HSD17B12: variants seen among roughly 807,000 people sequenced by gnomAD.
HSD17B12 encodes the protein very-long-chain 3-oxoacyl-CoA reductase.
HSD17B12 carries 32 observed loss-of-function variants against 39.3 expected under a neutral mutation model. The observed-to-expected ratio is 0.81, with a 90% confidence interval of 0.61 to 1.09. HSD17B12 has a LOEUF of 1.09. Among genes scored for constraint, HSD17B12 ranks in the 50% least tolerant of loss-of-function variants. The pLI, the probability that HSD17B12 is intolerant of heterozygous loss-of-function variation, is 0.00. For synonymous variants in HSD17B12, 150 were observed against 146.7 expected, an observed-to-expected ratio of 1.02 and a Z score of -0.16; for missense variants, 342 against 382.9, an observed-to-expected ratio of 0.89 and a Z score of 0.89.
At chr11:43,834,805 G>T (rs6485473) in intron 7 of HSD17B12, among the ~76,000 whole-genome samples, 96,620 of 151,822 alleles carry the variant, frequency 0.64, 31,195 homozygotes, top group East Asian at 0.71. Flanking sequence ...TGTCTGGCTT[G>T]TGGGAGGACT....
At chr11:43,617,985 A>C in the HSD17B12 span, among the ~76,000 whole-genome samples, 6 of 152,346 alleles carry the variant, frequency 3.9e-5, no homozygotes, top group South Asian at 1.2e-3. Flanking sequence ...TTTATGAACA[A>C]AATAGGTGGT....
intron 1 of HSD17B12, among the ~76,000 whole-genome samples, chr11:43,686,746 ACTT>A (rs1949804011): frequency 6.6e-6 from 1 of 152,146 alleles, no homozygotes; most frequent in African/African-American, 2.4e-5. Context: ...AAATGAGAAT[ACTT>A]ATTCTCTGTA....
the HSD17B12 span, among the ~76,000 whole-genome samples, chr11:43,629,452 T>A: frequency 6.6e-6 from 1 of 152,230 alleles, no homozygotes; most frequent in Non-Finnish European, 1.5e-5. Flanking sequence ...ATTTGTTGAT[T>A]TTTCCCTGCT....
chr11:43,825,091 A>G (rs987833669), intron 6 of HSD17B12, among the ~76,000 whole-genome samples: 1 of 151,838 alleles, frequency 6.6e-6, no homozygotes, highest in Non-Finnish European at 1.5e-5. Context: ...AGATCGTGCC[A>G]CTGGACTCCA....
chr11:43,651,178 GC>G, the HSD17B12 span, among the ~76,000 whole-genome samples: 2 of 152,334 alleles, frequency 1.3e-5, no homozygotes, highest in Admixed American at 6.5e-5. Context: ...TACCTAAAGG[GC>G]AAGGTAAATG....
intron 1 of HSD17B12, among the ~76,000 whole-genome samples, chr11:43,750,289 G>C (rs555573028): frequency 1.3e-5 from 2 of 152,110 alleles, no homozygotes; most frequent in East Asian, 1.9e-4. Context: ...CCATAGATTA[G>C]TTTTACCTTT....
At chr11:43,765,375 TAAG>T (rs1236461797) in intron 3 of HSD17B12, among the ~76,000 whole-genome samples, 1 of 152,166 alleles carries the variant, frequency 6.6e-6, no homozygotes, top group Non-Finnish European at 1.5e-5. Context: ...TTGTTTCTGA[TAAG>T]AAGTCAGCTG....
chr11:43,714,516 G>T (rs1453559335), intron 1 of HSD17B12, among the ~76,000 whole-genome samples: 1 of 152,098 alleles, frequency 6.6e-6, no homozygotes, highest in Non-Finnish European at 1.5e-5. Context: ...ATGCTGTTTT[G>T]GTTACTGTAG....
At chr11:43,849,216 G>C (rs1384378408) in intron 9 of HSD17B12, among the ~76,000 whole-genome samples, 2 of 152,120 alleles carry the variant, frequency 1.3e-5, no homozygotes, top group Non-Finnish European at 2.9e-5. Flanking sequence ...GAGGTGGGAG[G>C]ATGGCTTGAG....
intron 3 of HSD17B12, among the ~76,000 whole-genome samples, chr11:43,774,633 A>T (rs17513661): frequency 0.017 from 2,607 of 152,312 alleles, 32 homozygotes; most frequent in Admixed American, 0.024. Context: ...ATAACAATTA[A>T]ATGTGCTAGA....
At chr11:43,779,431 T>A (rs948454818) in intron 3 of HSD17B12, among the ~76,000 whole-genome samples, 1 of 152,244 alleles carries the variant, frequency 6.6e-6, no homozygotes, top group Non-Finnish European at 1.5e-5. Flanking sequence ...ATTGGTTTTA[T>A]GCAACATGCT....
the HSD17B12 span, among the ~76,000 whole-genome samples, chr11:43,619,217 T>TAC: frequency 2.1e-5 from 1 of 47,798 alleles, no homozygotes; most frequent in Non-Finnish European, 3.8e-5. Flanking sequence ...ATATATAAAA[T>TAC]ATATATATAT....
the HSD17B12 span, among the ~76,000 whole-genome samples, chr11:43,651,943 A>T: frequency 6.6e-6 from 1 of 152,200 alleles, no homozygotes; most frequent in African/African-American, 2.4e-5. Flanking sequence ...AAATATGTGT[A>T]AGACCTGTAC....
chr11:43,854,622 A>G, intron 9 of HSD17B12, 93 bp from the exon 10 acceptor site: 1 of 1,335,958 alleles, frequency 7.5e-7, no homozygotes, highest in Non-Finnish European at 1.0e-6. Flanking sequence ...AGATGTTTCT[A>G]CCACTAAGAG....
chr11:43,845,290 A>C (rs943607862), intron 9 of HSD17B12, among the ~76,000 whole-genome samples: 20 of 152,242 alleles, frequency 1.3e-4, no homozygotes, highest in Non-Finnish European at 2.2e-4. Flanking sequence ...AACCAGAATA[A>C]GGATATTCTC....
the HSD17B12 span, among the ~76,000 whole-genome samples, chr11:43,568,266 A>AT: frequency 1.3e-5 from 2 of 151,536 alleles, no homozygotes; most frequent in African/African-American, 2.4e-5. Flanking sequence ...CACCTCGTTA[A>AT]TTTTTTCTGT....
the HSD17B12 span, among the ~76,000 whole-genome samples, chr11:43,588,917 C>T: frequency 7.2e-5 from 11 of 151,768 alleles, no homozygotes; most frequent in Admixed American, 1.3e-4. Context: ...CTTGCTTTCA[C>T]GTCCCTTTTA....
At chr11:43,707,397 G>A (rs1038782979) in intron 1 of HSD17B12, among the ~76,000 whole-genome samples, 15 of 152,332 alleles carry the variant, frequency 9.8e-5, no homozygotes, top group African/African-American at 3.1e-4. Context: ...TTCTCGATAC[G>A]TTGACATTTA....
intron 8 of HSD17B12, among the ~76,000 whole-genome samples, chr11:43,838,833 A>G (rs1019281634): frequency 1.3e-5 from 2 of 152,172 alleles, no homozygotes; most frequent in Non-Finnish European, 2.9e-5. Context: ...GTAAATGTAC[A>G]TAGCAGGCAC....
Sources: allele counts gnomAD v4.1 joint callset (sites outside exome capture counted in the v4.1 genomes callset), GRCh38; gene constraint gnomAD v4.1.1; transcripts MANE v1.5; gene names NCBI Gene and HGNC (gene_info 2026-07-23, HGNC 2026-07-21).